Variants in GPR137C observed in about 807,000 individuals in gnomAD.
GPR137C encodes integral membrane protein GPR137C.
In GPR137C, 27 loss-of-function variants were observed where a neutral mutation model predicts 43.4. That is an observed-to-expected ratio of 0.62 (90% CI 0.46 to 0.86). The LOEUF (loss-of-function observed/expected upper bound fraction) is 0.86. Among genes scored for constraint, GPR137C ranks in the 40% least tolerant of loss-of-function variants. The pLI, the probability that GPR137C is intolerant of heterozygous loss-of-function variation, is 0.00. For missense variants in GPR137C, 522 were observed against 534.6 expected (o/e 0.98, Z 0.23); for synonymous variants, 285 against 226.9 (o/e 1.26, Z -2.30).
intron 1 of GPR137C, among the ~76,000 whole-genome samples, chr14:52,573,233 A>G (rs954253483): frequency 6.6e-6 from 1 of 152,244 alleles, no homozygotes; most frequent in Non-Finnish European, 1.5e-5. Flanking sequence ...TTTAAATTTC[A>G]TATGGAACCA....
intron 1 of GPR137C, among the ~76,000 whole-genome samples, chr14:52,588,895 T>C (rs1000120838): frequency 2.0e-5 from 3 of 152,184 alleles, no homozygotes; most frequent in Admixed American, 1.3e-4. Context: ...CAAACAACTT[T>C]CTCTCAAATG....
chr14:52,610,616 T>G (rs1014836362), intron 3 of GPR137C, among the ~76,000 whole-genome samples: 4 of 152,200 alleles, frequency 2.6e-5, no homozygotes, highest in Non-Finnish European at 4.4e-5. Context: ...TTTGGTACTA[T>G]CCATAGTTTC....
chr14:52,629,784 A>G (rs538244869), intron 3 of GPR137C, among the ~76,000 whole-genome samples: 38 of 152,328 alleles, frequency 2.5e-4, no homozygotes, highest in African/African-American at 9.1e-4. Context: ...GTCAAAACTC[A>G]ATGACTAGTA....
intron 1 of GPR137C, among the ~76,000 whole-genome samples, chr14:52,566,611 A>C (rs534230801): frequency 6.6e-6 from 1 of 152,250 alleles, no homozygotes; most frequent in African/African-American, 2.4e-5. Flanking sequence ...TTAAGTCAGA[A>C]TAGAGCATAT....
At position 52,636,634 on chromosome 14, in the gene GPR137C, G is replaced by A. The variant is rs1055250053; in HGVS notation, c.*1519G>A. 5.3e-5 allele frequency: 8 copies of A among 152,046 alleles called. No individual in the cohort carries two copies. Among genetic ancestry groups the A allele is most frequent in the Non-Finnish European group, 5.9e-5 (4 of 67,962 alleles). The allele number at this position is 152,046 out of a possible 1,614,324, so 9.4% of individuals were successfully genotyped here. On this transcript the variant is annotated 3_prime_UTR_variant, in exon 7 of 7. Transcript: ENST00000321662. The stretch of plus-strand genomic sequence containing the variant: ...TAACTTCATAAAAGTATAACACTAG[G>A]TTGAAACCTTAAGGAAAAATTGAAA...
chr14:52,577,959 T>A (rs1435325648), intron 1 of GPR137C, among the ~76,000 whole-genome samples: 1 of 152,008 alleles, frequency 6.6e-6, no homozygotes, highest in East Asian at 1.9e-4. Context: ...AATGAGACCC[T>A]GTCTCAAAAA....
intron 3 of GPR137C, among the ~76,000 whole-genome samples, chr14:52,615,467 G>GT (rs200188827): frequency 0.21 from 29,520 of 140,286 alleles, 3,885 homozygotes; most frequent in African/African-American, 0.37. Flanking sequence ...ACATTTTAGG[G>GT]TTTTTTTTTT....
At chr14:52,596,306 G>T (rs182874729) in intron 1 of GPR137C, among the ~76,000 whole-genome samples, 2 of 152,244 alleles carry the variant, frequency 1.3e-5, no homozygotes, top group Admixed American at 1.3e-4. Flanking sequence ...CAGTCTGTCC[G>T]TTCTCAGAGC....
At chr14:52,569,237 G>A (rs2038425709) in intron 1 of GPR137C, among the ~76,000 whole-genome samples, 1 of 152,106 alleles carries the variant, frequency 6.6e-6, no homozygotes, top group South Asian at 2.1e-4. Context: ...GAAAGGAATG[G>A]CATCAACATC....
chr14:52,622,873 G>A (rs559587473), intron 3 of GPR137C, among the ~76,000 whole-genome samples: 5 of 152,154 alleles, frequency 3.3e-5, no homozygotes, highest in African/African-American at 9.6e-5. Context: ...ATTCTTCAAT[G>A]AAACTGACTT....
rs764222363 is a variant in GPR137C at position 52,635,105 on chromosome 14, C to T, written c.1280C>T (p.Pro427Leu). 1 of 1,562,584 alleles carries T rather than the reference C, an allele frequency of 6.4e-7. No homozygotes were observed. The highest frequency in any genetic ancestry group is 8.6e-7 in the Non-Finnish European group (1 of 1,158,812). Residue 427 changes from proline to leucine, a missense_variant, in exon 7 of 7, where the codon CCA becomes CTA. Pro to Leu is a moderately conservative substitution (Grantham distance 98). Transcript: ENST00000321662. The stretch of plus-strand genomic sequence containing the variant: ...AATCATCATAGCTTATATGTGACAC[C>T]ACAAAACTGACAGCATCACCAAGTC... ...LNNHHSLYVT[P>L]QN
At chr14:52,592,142 G>A (rs1001321325) in intron 1 of GPR137C, among the ~76,000 whole-genome samples, 2 of 152,000 alleles carry the variant, frequency 1.3e-5, no homozygotes, top group African/African-American at 4.8e-5. Flanking sequence ...TGTAGATGTG[G>A]GGTGTTATTT....
intron 1 of GPR137C, among the ~76,000 whole-genome samples, chr14:52,570,381 A>G (rs559025998): frequency 2.6e-5 from 4 of 152,342 alleles, no homozygotes; most frequent in Non-Finnish European, 4.4e-5. Flanking sequence ...GGTAGCAGCC[A>G]CTGCAAAAAC....
At chr14:52,582,568 C>T (rs576228756) in intron 1 of GPR137C, among the ~76,000 whole-genome samples, 2 of 152,282 alleles carry the variant, frequency 1.3e-5, no homozygotes, top group African/African-American at 2.4e-5. Context: ...CCAAGGCGGG[C>T]AGATCACCTG....
At chr14:52,587,643 G>A (rs974254239) in intron 1 of GPR137C, among the ~76,000 whole-genome samples, 6 of 152,156 alleles carry the variant, frequency 3.9e-5, no homozygotes, top group East Asian at 1.9e-4. Context: ...GGTGGCACAC[G>A]CCTGTAGTTC....
intron 1 of GPR137C, 49 bp from the exon 2 acceptor site, chr14:52,598,223 A>C: frequency 3.1e-6 from 2 of 635,802 alleles, no homozygotes; most frequent in Non-Finnish European, 5.3e-6. Flanking sequence ...ATATTTAAGA[A>C]TTCTATATTA....
intron 1 of GPR137C, among the ~76,000 whole-genome samples, chr14:52,570,601 C>T (rs1050808759): frequency 3.9e-5 from 6 of 152,002 alleles, no homozygotes; most frequent in Non-Finnish European, 5.9e-5. Context: ...TCAGGAGACC[C>T]GTCTCACCTG....
At chr14:52,585,301 T>C (rs10151148) in intron 1 of GPR137C, among the ~76,000 whole-genome samples, 5,907 of 152,276 alleles carry the variant, frequency 0.039, 370 homozygotes, top group African/African-American at 0.13. Context: ...GTGTCTTCCT[T>C]TTCAGGACTA....
chr14:52,573,012 A>C (rs2038495484), intron 1 of GPR137C, among the ~76,000 whole-genome samples: 1 of 152,238 alleles, frequency 6.6e-6, no homozygotes, highest in African/African-American at 2.4e-5. Flanking sequence ...AATACAACCT[A>C]CAAGGGATGT....
Sources: allele counts gnomAD v4.1 joint callset (sites outside exome capture counted in the v4.1 genomes callset), GRCh38; gene constraint gnomAD v4.1.1; transcripts MANE v1.5; gene names NCBI Gene and HGNC (gene_info 2026-07-23, HGNC 2026-07-21).